The following KLHDC1 variants were observed in gnomAD, a reference collection of about 807,000 sequenced individuals.
The protein encoded by KLHDC1 is kelch domain-containing protein 1.
A neutral mutation model predicts 68.3 loss-of-function variants in KLHDC1; 53 were observed. The ratio of observed to expected loss-of-function variants is 0.78; its 90% CI spans 0.62 to 0.98. The LOEUF (loss-of-function observed/expected upper bound fraction) is 0.98. Ranked by LOEUF, KLHDC1 falls within the 50% of genes least tolerant of loss-of-function variation. The pLI is 0.00. For missense variants in KLHDC1, 470 were observed against 492.3 expected (o/e 0.95, Z 0.43); for synonymous variants, 148 against 159.0 (o/e 0.93, Z 0.52).
intron 6 of KLHDC1, 127 bp downstream of exon 6, chr14:49,725,896 G>A: frequency 7.5e-6 from 4 of 534,030 alleles, no homozygotes; most frequent in South Asian, 2.7e-5. Flanking sequence ...TGCCCAGGCT[G>A]GAGTACAGTG....
chr14:49,696,816 CT>C (rs1887756271), intron 1 of KLHDC1, among the ~76,000 whole-genome samples: 1 of 143,560 alleles, frequency 7.0e-6, no homozygotes, highest in Admixed American at 7.4e-5. Context: ...CCTGTATTAG[CT>C]TTTGACATGC....
In KLHDC1 at chr14:49,740,302, C is replaced by T. The variant is rs1889029344; in HGVS notation, c.981+120C>T. ...AAAATATGAAGGGCCTGAAATGTTA[C>T]TCTGTGGTTTAATTAATCTTCAGGA... On this transcript the variant is annotated intron_variant, in intron 11 of 12. Transcript: ENST00000359332. 6.6e-6 allele frequency: 4 copies of T among 605,714 alleles called. No individual in the cohort carries two copies. The Admixed American group carries it at 9.5e-5, about 14-fold the overall frequency. The allele number at this position is 605,714 out of a possible 1,614,324, so 37.5% of individuals were successfully genotyped here. A position where few individuals can be genotyped will look rare whatever the true frequency, so the allele number is the denominator to read the frequency against.
At chr14:49,734,745 A>C in intron 10 of KLHDC1, 84 bp downstream of exon 10, 2 of 596,998 alleles carry the variant, frequency 3.4e-6, no homozygotes, top group Non-Finnish European at 5.6e-6. Context: ...AGTGTTTGCC[A>C]TTGAAACCAT....
chr14:49,723,168 A>G (rs1888578650), intron 4 of KLHDC1, among the ~76,000 whole-genome samples: 1 of 151,480 alleles, frequency 6.6e-6, no homozygotes, highest in Admixed American at 6.6e-5. Flanking sequence ...GAGGTCAGGG[A>G]AAGACCTGTC....
At chr14:49,729,149 A>C in intron 7 of KLHDC1, 140 bp downstream of exon 7, 2 of 639,616 alleles carry the variant, frequency 3.1e-6, no homozygotes, top group Non-Finnish European at 5.6e-6. Flanking sequence ...TTTATCTTCT[A>C]ATTCATAAAC....
intron 4 of KLHDC1, among the ~76,000 whole-genome samples, chr14:49,713,098 C>T (rs994091780): frequency 5.3e-5 from 8 of 151,448 alleles, no homozygotes; most frequent in East Asian, 1.9e-4. Flanking sequence ...TACGGGCTCC[C>T]GCCACCACAC....
intron 1 of KLHDC1, among the ~76,000 whole-genome samples, chr14:49,699,195 A>T (rs1408763229): frequency 6.6e-6 from 1 of 150,928 alleles, no homozygotes; most frequent in Non-Finnish European, 1.5e-5. Flanking sequence ...ACAGTTCTTC[A>T]GGTGGCAGTT....
intron 1 of KLHDC1, among the ~76,000 whole-genome samples, chr14:49,697,230 T>A (rs1266175049): frequency 6.6e-6 from 1 of 152,176 alleles, no homozygotes; most frequent in East Asian, 1.9e-4. Context: ...CCACCATGCC[T>A]GGCAAGGCCT....
chr14:49,721,742 A>T (rs1177250775), intron 4 of KLHDC1, among the ~76,000 whole-genome samples: 1 of 151,932 alleles, frequency 6.6e-6, no homozygotes, highest in Admixed American at 6.6e-5. Context: ...CTGCGTTCCT[A>T]CCTCTCAGAA....
intron 8 of KLHDC1, among the ~76,000 whole-genome samples, chr14:49,730,227 T>G (rs1381925054): frequency 6.7e-6 from 1 of 149,190 alleles, no homozygotes; most frequent in Non-Finnish European, 1.5e-5. Flanking sequence ...TGCAGGTTTT[T>G]TTTTTTTTTT....
intron 10 of KLHDC1, among the ~76,000 whole-genome samples, 190 bp downstream of exon 10, chr14:49,734,851 C>T (rs977624495): frequency 6.6e-6 from 1 of 152,000 alleles, no homozygotes; most frequent in Admixed American, 6.6e-5. Context: ...AATGATCTAT[C>T]CAGTTTTCAC....
At chr14:49,720,148 G>A (rs538210041) in intron 4 of KLHDC1, among the ~76,000 whole-genome samples, 4 of 152,174 alleles carry the variant, frequency 2.6e-5, no homozygotes, top group East Asian at 1.9e-4. Flanking sequence ...CACCAAACCC[G>A]GCTAATTTTG....
chr14:49,717,242 T>C (rs900992578), intron 4 of KLHDC1, among the ~76,000 whole-genome samples: 2 of 152,202 alleles, frequency 1.3e-5, no homozygotes, highest in Non-Finnish European at 1.5e-5. Flanking sequence ...ATAGAACTGT[T>C]GGGTCATTTG....
chr14:49,727,533 G>A (rs188750863), intron 6 of KLHDC1, among the ~76,000 whole-genome samples: 281 of 152,244 alleles, frequency 1.8e-3, no homozygotes, highest in Middle Eastern at 0.014. Flanking sequence ...TGATGGGAAG[G>A]TCTATACAAA....
intron 1 of KLHDC1, among the ~76,000 whole-genome samples, chr14:49,704,844 C>T (rs1291786966): frequency 6.6e-6 from 1 of 152,136 alleles, no homozygotes; most frequent in Non-Finnish European, 1.5e-5. Flanking sequence ...CGCAGTGGCT[C>T]ACTCAATCAA....
In KLHDC1 at chr14:49,709,730, A is replaced by T; in HGVS notation, c.189A>T (p.Gly63=). Reference sequence around the variant, plus strand: ...GCAGGAGAATGCACCTCATGGAAGGAGAACTCCCAGCCTCCATGTCAGGAA... The same window carrying T: ...GCAGGAGAATGCACCTCATGGAAGGTGAACTCCCAGCCTCCATGTCAGGAA... ...SGLWRMHLME[G]ELPASMSGSC... is the part of the protein sequence containing the mutation. The change falls in exon 3 of 13, where the codon GGA becomes GGT. Residue 63 remains glycine (G), a synonymous_variant. Coordinates refer to ENST00000359332, the MANE Select transcript of KLHDC1 (RefSeq NM_172193.3). 1 of 1,596,704 alleles carries T rather than the reference A, an allele frequency of 6.3e-7. No individual in the cohort carries two copies. Among genetic ancestry groups the T allele is most frequent in the Non-Finnish European group, 8.5e-7 (1 of 1,172,996 alleles).
intron 4 of KLHDC1, 125 bp from the exon 5 acceptor site, chr14:49,723,749 T>A (rs956498372): frequency 3.4e-6 from 2 of 594,962 alleles, no homozygotes; most frequent in African/African-American, 3.8e-5. Flanking sequence ...TTCCCTCAGC[T>A]CTTTATTCTT....
intron 4 of KLHDC1, among the ~76,000 whole-genome samples, chr14:49,714,108 A>C (rs1244452072): frequency 6.6e-6 from 1 of 150,680 alleles, no homozygotes; most frequent in Non-Finnish European, 1.5e-5. Flanking sequence ...TGGCCTGCCA[A>C]AGTGCTGGGA....
chr14:49,713,840 A>ATTTT (rs1566603014), intron 4 of KLHDC1, among the ~76,000 whole-genome samples: 4 of 15,086 alleles, frequency 2.7e-4, no homozygotes, highest in African/African-American at 3.7e-4. Flanking sequence ...ATATATATAT[A>ATTTT]TATATATATA....
Sources: allele counts gnomAD v4.1 joint callset (sites outside exome capture counted in the v4.1 genomes callset), GRCh38; gene constraint gnomAD v4.1.1; transcripts MANE v1.5; gene names NCBI Gene and HGNC (gene_info 2026-07-23, HGNC 2026-07-21).